PTPRQ: variants seen among roughly 807,000 people sequenced by gnomAD.
PTPRQ encodes the protein phosphatidylinositol phosphatase PTPRQ.
PTPRQ carries 199 observed loss-of-function variants against 246.0 expected under a neutral mutation model. That is an observed-to-expected ratio of 0.81 (90% CI 0.72 to 0.91). The LOEUF (loss-of-function observed/expected upper bound fraction) is 0.91, where lower values mean the gene tolerates loss of function less well. PTPRQ is among the 40% of genes least tolerant of loss of function. The pLI is 0.00. For synonymous variants in PTPRQ, 869 were observed against 853.2 expected (o/e 1.02, Z -0.32); for missense variants, 2,624 against 2,528.4 (o/e 1.04, Z -0.81).
At chr12:80,546,253 A>G (rs1225970323) in intron 23 of PTPRQ, among the ~76,000 whole-genome samples, 2 of 151,106 alleles carry the variant, frequency 1.3e-5, no homozygotes, top group Middle Eastern at 3.4e-3. Flanking sequence ...CTGGGAGTCC[A>G]CCTCCCACTG....
At position 80,534,923 on chromosome 12, in the gene PTPRQ, T is replaced by A; in HGVS notation, c.2871T>A (p.Tyr957Ter). The change falls in exon 19 of 45, where the codon TAT becomes TAA. Residue 957 changes from tyrosine (Y) to a stop codon, truncating the protein, a stop_gained. Transcript: ENST00000644991. LOFTEE classifies it high-confidence loss of function. The stretch of plus-strand genomic sequence containing the variant: ...GCGATCCTCCCAAAGATGTTTATTA[T>A]GCAAACCTCAGTTCTTCATCAATAA... Reference protein sequence around the residue: ...APSDPPKDVYYANLSSSSIIL... With the variant: ...APSDPPKDVY The A allele has an allele frequency of 6.5e-7, 1 of 1,550,214 alleles. No homozygotes were observed. Among genetic ancestry groups the A allele is most frequent in the South Asian group, 1.2e-5 (1 of 83,756 alleles).
intron 6 of PTPRQ, among the ~76,000 whole-genome samples, chr12:80,462,221 A>G (rs554194187): frequency 6.6e-6 from 1 of 152,242 alleles, no homozygotes. Context: ...TATCCTGCAC[A>G]TGGCTCAGGG....
In PTPRQ at chr12:80,495,294, A is replaced by G; in HGVS notation, c.1805A>G (p.Tyr602Cys). ...TATCCCAATGGAAAAATAACTCACT[A>G]TACGATTTATGCAATGGAATTGGAT... ...PEYPNGKITH[Y>C]TIYAMELDTN... The change falls in exon 12 of 45, where the codon TAT (tyrosine) becomes TGT (cysteine). Residue 602 changes from tyrosine to cysteine, a missense_variant. Coordinates refer to ENST00000644991, the MANE Select transcript of PTPRQ (RefSeq NM_001145026.2). 2 of 1,546,308 alleles carry G rather than the reference A, an allele frequency of 1.3e-6. No homozygotes were observed. The highest frequency in any genetic ancestry group is 2.4e-5 in the South Asian group (2 of 82,204).
chr12:80,584,982 A>AATATAT (rs36023309), intron 25 of PTPRQ, among the ~76,000 whole-genome samples: 9 of 148,924 alleles, frequency 6.0e-5, no homozygotes, highest in Non-Finnish European at 1.2e-4. Context: ...AGTTTTGGTA[A>AATATAT]ATATATATAT....
chr12:80,551,370 C>T (rs1006609191), intron 25 of PTPRQ, among the ~76,000 whole-genome samples: 1 of 152,112 alleles, frequency 6.6e-6, no homozygotes, highest in African/African-American at 2.4e-5. Context: ...TGCCCCTTCT[C>T]CACCTTGGCC....
intron 28 of PTPRQ, 43 bp from the exon 29 acceptor site, chr12:80,613,549 A>G (rs865785997): frequency 2.1e-6 from 3 of 1,442,018 alleles, no homozygotes; most frequent in African/African-American, 1.5e-5. Context: ...ATAAAAAGGA[A>G]TACAATATTT....
At chr12:80,512,353 C>T in intron 17 of PTPRQ, among the ~76,000 whole-genome samples, 1 of 152,170 alleles carries the variant, frequency 6.6e-6, no homozygotes, top group East Asian at 1.9e-4. Context: ...TAGACAGAAA[C>T]ACATGTGGTT....
At chr12:80,625,875 C>T (rs1027688641) in intron 33 of PTPRQ, among the ~76,000 whole-genome samples, 3 of 151,980 alleles carry the variant, frequency 2.0e-5, no homozygotes, top group African/African-American at 7.3e-5. Context: ...AAAATCTTCC[C>T]TAGGCACATC....
rs906438059 is a variant in PTPRQ, at chr12:80,483,279, A to G, written c.1187-1154A>G. On this transcript the variant is annotated intron_variant, in intron 8 of 44. Transcript: ENST00000644991. Reference sequence around the variant, plus strand: ...TTCTCAGTAAACTATCGCAAGAACAAAAAACCAAACGCCGCATATTCTCAC... The same window carrying G: ...TTCTCAGTAAACTATCGCAAGAACAGAAAACCAAACGCCGCATATTCTCAC... Among the ~76,000 whole-genome samples, 4 of 143,056 alleles carry G rather than the reference A, an allele frequency of 2.8e-5. No individual in the cohort carries two copies. In the East Asian group the frequency reaches 6.2e-4, roughly 22 times the overall value. 93.9% of individuals were successfully genotyped at this position (143,056 alleles called of 152,430 possible). A position where few individuals can be genotyped will look rare whatever the true frequency, so the allele number is the denominator to read the frequency against.
In PTPRQ at chr12:80,491,922, A is replaced by G. The variant is rs561121963; in HGVS notation, c.1360-1353A>G. The stretch of plus-strand genomic sequence containing the variant: ...CTTATAAACAACTGAAACCTATATT[A>G]TGAATTAATATAAACTCTGAGGGTA... On this transcript the variant is annotated intron_variant, in intron 9 of 44. Coordinates refer to ENST00000644991, the MANE Select transcript of PTPRQ (RefSeq NM_001145026.2). Among the ~76,000 whole-genome samples the G allele has an allele frequency of 3.8e-3, 585 of 152,038 alleles. 4 individuals carry two copies. Among genetic ancestry groups the G allele is most frequent in the Middle Eastern group, 0.017 (5 of 294 alleles).
chr12:80,670,370 G>T lies in PTPRQ; in HGVS notation c.6480G>T (p.Gln2160His), dbSNP rs995333767. Reference protein sequence around the residue: ...ERHGDCMTVRQCNFTAWPEHG... With the variant: ...ERHGDCMTVRHCNFTAWPEHG... Reference sequence around the variant, plus strand: ...ATGGGGATTGCATGACTGTTCGACAGTGTAACTTTACTGCCTGGCCAGAGC... The same window carrying T: ...ATGGGGATTGCATGACTGTTCGACATTGTAACTTTACTGCCTGGCCAGAGC... The change falls in exon 42 of 45, where the codon CAG (glutamine) becomes CAT (histidine). Residue 2160 changes from glutamine to histidine, a missense_variant. By Grantham distance (24) the Gln-to-His change is conservative. Coordinates refer to ENST00000644991, the MANE Select transcript of PTPRQ (RefSeq NM_001145026.2). 2 of 1,550,904 alleles carry T rather than the reference G, an allele frequency of 1.3e-6. No individual in the cohort carries two copies. Among genetic ancestry groups the T allele is most frequent in the Admixed American group, 2.0e-5 (1 of 50,928 alleles).
intron 17 of PTPRQ, among the ~76,000 whole-genome samples, chr12:80,525,542 G>A (rs1298287319): frequency 2.0e-5 from 3 of 152,002 alleles, no homozygotes; most frequent in Admixed American, 6.6e-5. Context: ...CGAGTGCAGC[G>A]GAAAGCCCGT....
At chr12:80,580,684 G>C (rs1387294848) in intron 25 of PTPRQ, among the ~76,000 whole-genome samples, 1 of 152,032 alleles carries the variant, frequency 6.6e-6, no homozygotes, top group Non-Finnish European at 1.5e-5. Flanking sequence ...ATTCATTTTT[G>C]GTTTATCTTT....
intron 41 of PTPRQ, among the ~76,000 whole-genome samples, chr12:80,670,128 T>C (rs1214192123): frequency 6.6e-6 from 1 of 152,132 alleles, no homozygotes; most frequent in African/African-American, 2.4e-5. Flanking sequence ...TTAACATTTA[T>C]TTCCAAGCTT....
Position 80,542,837 on chromosome 12 carries a change from A to C in PTPRQ, c.3829A>C (p.Ser1277Arg). 6.5e-7 allele frequency: 1 copy of C among 1,543,924 alleles called. No homozygotes were observed. The highest frequency in any genetic ancestry group is 8.7e-7 in the Non-Finnish European group (1 of 1,143,808). The change falls in exon 23 of 45, where the codon AGT becomes CGT. Residue 1277 changes from serine to arginine, a missense_variant. Physicochemically the swap from Ser to Arg is moderately radical, Grantham distance 110. Coordinates refer to ENST00000644991, the MANE Select transcript of PTPRQ (RefSeq NM_001145026.2). ...TCCAGGTGGTATTGTTAAAGTATAT[A>C]GTTTTAAAATTCATGAACATGAAAC... ...PLPGGIVKVY[S>R]FKIHEHETDT...
chr12:80,584,983 A>G (rs1897564192), intron 25 of PTPRQ, among the ~76,000 whole-genome samples: 1 of 136,498 alleles, frequency 7.3e-6, no homozygotes, highest in Non-Finnish European at 1.6e-5. Context: ...GTTTTGGTAA[A>G]TATATATATA....
intron 35 of PTPRQ, among the ~76,000 whole-genome samples, chr12:80,641,897 C>T (rs544760082): frequency 1.3e-5 from 2 of 151,536 alleles, no homozygotes; most frequent in African/African-American, 2.4e-5. Context: ...CTCTCTCTCT[C>T]GCTCTCTCTC....
intron 8 of PTPRQ, among the ~76,000 whole-genome samples, chr12:80,484,092 G>A (rs1203023713): frequency 4.6e-5 from 7 of 151,674 alleles, no homozygotes; most frequent in Admixed American, 3.3e-4. Context: ...TGTAACCTCC[G>A]CCTCTTGGGT....
At chr12:80,659,498 T>C (rs1380202596) in intron 39 of PTPRQ, among the ~76,000 whole-genome samples, 1 of 152,072 alleles carries the variant, frequency 6.6e-6, no homozygotes, top group Non-Finnish European at 1.5e-5. Context: ...AATAAGTAGA[T>C]ACAAATCAAC....
Sources: allele counts gnomAD v4.1 joint callset (sites outside exome capture counted in the v4.1 genomes callset), GRCh38; gene constraint gnomAD v4.1.1; transcripts MANE v1.5; gene names NCBI Gene and HGNC (gene_info 2026-07-23, HGNC 2026-07-21).